RAD51B: variants seen among roughly 807,000 people sequenced by gnomAD.
RAD51B encodes the protein RAD51 paralog B.
A neutral mutation model predicts 42.2 loss-of-function variants in RAD51B; 38 were observed. The ratio of observed to expected loss-of-function variants is 0.90; its 90% CI spans 0.70 to 1.18. RAD51B has a LOEUF of 1.18. Among genes scored for constraint, RAD51B ranks in the 50% most tolerant of loss-of-function variants. RAD51B has a pLI of 0.00. For synonymous variants in RAD51B, 154 were observed against 145.2 expected (o/e 1.06, Z -0.43); for missense variants, 373 against 400.7 (o/e 0.93, Z 0.59).
intron 7 of RAD51B, among the ~76,000 whole-genome samples, chr14:68,229,101 A>G (rs1401251190): frequency 6.6e-6 from 1 of 152,244 alleles, no homozygotes; most frequent in African/African-American, 2.4e-5. Flanking sequence ...GGCAAAATTA[A>G]CAGGCACCTT....
At chr14:68,244,115 T>C (rs2080445986) in intron 7 of RAD51B, among the ~76,000 whole-genome samples, 1 of 152,174 alleles carries the variant, frequency 6.6e-6, no homozygotes, top group Non-Finnish European at 1.5e-5. Flanking sequence ...ATCTAAAATG[T>C]TATAGAAAGA....
At chr14:68,111,405 A>G (rs1258398879) in intron 7 of RAD51B, among the ~76,000 whole-genome samples, 1 of 152,084 alleles carries the variant, frequency 6.6e-6, no homozygotes, top group Non-Finnish European at 1.5e-5. Context: ...GAAACAGGAT[A>G]TCAGTGGTTT....
At chr14:67,880,127 A>G (rs890113135) in intron 5 of RAD51B, among the ~76,000 whole-genome samples, 2 of 152,204 alleles carry the variant, frequency 1.3e-5, no homozygotes, top group Non-Finnish European at 2.9e-5. Context: ...TAGTATCTCC[A>G]CTGATCTGAA....
rs555685467 is a variant in RAD51B at position 68,297,221 on chromosome 14, G to A, written c.853+5241G>A. Among the ~76,000 whole-genome samples the A allele has an allele frequency of 4.6e-5, 7 of 152,288 alleles. No individual in the cohort carries two copies. In the South Asian group the frequency reaches 1.0e-3, roughly 23 times the overall value. ...TTGTGAAAGAAGCAAACTTCAAAGC[G>A]CGGTATGAATTTTCAAGTCTTATTT... On this transcript the variant is annotated intron_variant, in intron 8 of 10. Transcript: ENST00000471583.
At chr14:68,178,699 T>C (rs141626840) in intron 7 of RAD51B, among the ~76,000 whole-genome samples, 9 of 152,308 alleles carry the variant, frequency 5.9e-5, no homozygotes, top group Middle Eastern at 3.4e-3. Context: ...ATATTGGAAA[T>C]TGGCAGAATG....
intron 7 of RAD51B, among the ~76,000 whole-genome samples, chr14:68,090,735 T>C (rs916091854): frequency 1.3e-5 from 2 of 151,406 alleles, no homozygotes. Context: ...AGTTTTAGGG[T>C]ACATGTGCAC....
chr14:68,559,576 C>T (rs969086785), intron 10 of RAD51B, among the ~76,000 whole-genome samples: 1 of 152,018 alleles, frequency 6.6e-6, no homozygotes, highest in Non-Finnish European at 1.5e-5. Context: ...AGAAGAGTGT[C>T]ACCATGTTGG....
intron 10 of RAD51B, among the ~76,000 whole-genome samples, chr14:68,473,252 A>G (rs748012724): frequency 2.0e-5 from 3 of 152,232 alleles, no homozygotes; most frequent in Non-Finnish European, 4.4e-5. Flanking sequence ...CTGGAACTCA[A>G]TGGAGCAAAG....
chr14:68,362,167 T>G (rs926709401), intron 8 of RAD51B, among the ~76,000 whole-genome samples: 1 of 152,160 alleles, frequency 6.6e-6, no homozygotes. Flanking sequence ...ATACATATAA[T>G]ACATATAAAG....
At chr14:68,315,160 T>C (rs1482944879) in intron 8 of RAD51B, among the ~76,000 whole-genome samples, 2 of 152,232 alleles carry the variant, frequency 1.3e-5, no homozygotes, top group Non-Finnish European at 2.9e-5. Context: ...GAAGAAGGAA[T>C]GCATATTCTC....
intron 7 of RAD51B, among the ~76,000 whole-genome samples, chr14:68,178,020 G>T (rs952662411): frequency 7.2e-5 from 11 of 152,138 alleles, no homozygotes; most frequent in East Asian, 3.9e-4. Flanking sequence ...TTTTTCTAAC[G>T]TTGAGCTGGT....
chr14:68,067,810 C>T (rs1365535252), intron 7 of RAD51B, among the ~76,000 whole-genome samples: 1 of 151,386 alleles, frequency 6.6e-6, no homozygotes, highest in African/African-American at 2.4e-5. Flanking sequence ...TATGCACCTA[C>T]AGTCCTAGCT....
chr14:68,282,559 C>T (rs1190030141), intron 7 of RAD51B, among the ~76,000 whole-genome samples: 2 of 152,060 alleles, frequency 1.3e-5, no homozygotes, highest in African/African-American at 4.8e-5. Flanking sequence ...TTCAGCTGCC[C>T]CCACCCCTCC....
intron 7 of RAD51B, among the ~76,000 whole-genome samples, chr14:68,142,717 T>A (rs940990757): frequency 6.6e-6 from 1 of 152,220 alleles, no homozygotes; most frequent in Non-Finnish European, 1.5e-5. Context: ...CTAAGTTTTA[T>A]GAAGATGGTT....
intron 7 of RAD51B, among the ~76,000 whole-genome samples, chr14:68,020,403 A>G (rs1197294875): frequency 6.6e-6 from 1 of 152,140 alleles, no homozygotes; most frequent in East Asian, 1.9e-4. Flanking sequence ...GAGCCATTGC[A>G]CCAGCCTCTT....
At chr14:68,252,926 C>CA (rs927172654) in intron 7 of RAD51B, among the ~76,000 whole-genome samples, 11 of 152,040 alleles carry the variant, frequency 7.2e-5, no homozygotes, top group African/African-American at 2.2e-4. Flanking sequence ...ACTAAAAGTA[C>CA]AAAAAAATTA....
chr14:68,100,547 G>A (rs1395072578), intron 7 of RAD51B, among the ~76,000 whole-genome samples: 2 of 152,114 alleles, frequency 1.3e-5, no homozygotes, highest in African/African-American at 4.8e-5. Flanking sequence ...TGTGCAGTGA[G>A]TTGCCTTGAG....
chr14:68,677,050 C>A (rs964459103), intron 11 of RAD51B, among the ~76,000 whole-genome samples: 3 of 152,150 alleles, frequency 2.0e-5, no homozygotes, highest in Non-Finnish European at 2.9e-5. Flanking sequence ...TATGCTCCCC[C>A]CTGTCATAGA....
chr14:68,016,393 A>G (rs1469521490), intron 7 of RAD51B, among the ~76,000 whole-genome samples: 1 of 152,230 alleles, frequency 6.6e-6, no homozygotes, highest in Non-Finnish European at 1.5e-5. Flanking sequence ...AAGGGTGTGC[A>G]CTGGAACACC....
Sources: gnomAD v4.1 joint callset for allele counts (sites outside exome capture counted in the v4.1 genomes callset) on GRCh38, gnomAD v4.1.1 for gene constraint, MANE v1.5 for transcripts, NCBI Gene and HGNC (gene_info 2026-07-23, HGNC 2026-07-21) for gene names.